SLC35F4: variants seen among roughly 807,000 people sequenced by gnomAD.
SLC35F4 encodes chromosome 14 open reading frame 36.
In SLC35F4, 24 loss-of-function variants were observed where a neutral mutation model predicts 44.2. That is an observed-to-expected ratio of 0.54 (90% confidence interval 0.39 to 0.76). The LOEUF (loss-of-function observed/expected upper bound fraction) is 0.76. Among genes scored for constraint, SLC35F4 ranks in the 30% least tolerant of loss-of-function variants. SLC35F4 has a pLI of 0.00. For missense variants in SLC35F4, 562 were observed against 586.1 expected, an observed-to-expected ratio of 0.96 and a Z score of 0.42; for synonymous variants, 238 against 223.6, an observed-to-expected ratio of 1.06 and a Z score of -0.57.
chr14:57,750,039 C>T (rs2076846504), intron 1 of SLC35F4, among the ~76,000 whole-genome samples: 1 of 152,152 alleles, frequency 6.6e-6, no homozygotes, highest in Non-Finnish European at 1.5e-5. Context: ...TCATCCACCC[C>T]TCTCATCTCC....
intron 1 of SLC35F4, among the ~76,000 whole-genome samples, chr14:57,665,595 T>G (rs2074281494): frequency 6.6e-6 from 1 of 152,148 alleles, no homozygotes. Context: ...CTTCAAAGAT[T>G]GTCTACCCTT....
At chr14:57,705,120 A>G (rs1014829837) in intron 1 of SLC35F4, among the ~76,000 whole-genome samples, 19 of 152,192 alleles carry the variant, frequency 1.2e-4, no homozygotes, top group Admixed American at 7.9e-4. Context: ...ATGAATTAAT[A>G]TATGTTAAAA....
At chr14:57,842,851 G>C (rs1399662112) in intron 1 of SLC35F4, among the ~76,000 whole-genome samples, 4 of 152,186 alleles carry the variant, frequency 2.6e-5, no homozygotes, top group East Asian at 1.9e-4. Flanking sequence ...GGCTGGGAGA[G>C]AGAGACCCAC....
chr14:57,649,944 C>A (rs1226903034), intron 1 of SLC35F4, among the ~76,000 whole-genome samples: 1 of 152,158 alleles, frequency 6.6e-6, no homozygotes, highest in Non-Finnish European at 1.5e-5. Context: ...CGCCTTCCTT[C>A]ATCTCCCTTT....
intron 1 of SLC35F4, among the ~76,000 whole-genome samples, chr14:57,676,309 C>T (rs905383746): frequency 6.6e-6 from 1 of 152,070 alleles, no homozygotes; most frequent in African/African-American, 2.4e-5. Flanking sequence ...AAGCCATTAA[C>T]CTCAGCAAAC....
chr14:57,898,610 C>A (rs1042970510), intron 1 of SLC35F4, among the ~76,000 whole-genome samples: 1 of 152,176 alleles, frequency 6.6e-6, no homozygotes, highest in African/African-American at 2.4e-5. Context: ...AGTGAGGCAA[C>A]AAGCACTTAA....
chr14:57,630,744 G>T (rs1594642611), intron 1 of SLC35F4: 1 of 528,784 alleles, frequency 1.9e-6, no homozygotes, highest in East Asian at 4.1e-5. Context: ...TCATAGTTTG[G>T]TTTACCTAAA....
intron 3 of SLC35F4, among the ~76,000 whole-genome samples, chr14:57,586,373 C>G (rs957751876): frequency 6.6e-6 from 1 of 152,066 alleles, no homozygotes; most frequent in African/African-American, 2.4e-5. Context: ...ACCATAAAAA[C>G]TCGAGAAGAA....
intron 4 of SLC35F4, among the ~76,000 whole-genome samples, chr14:57,578,323 C>CTTT (rs2068952267): frequency 9.0e-5 from 3 of 33,160 alleles, no homozygotes; most frequent in Admixed American, 4.6e-4. Flanking sequence ...ATCCCTTTAA[C>CTTT]TGTTTTTTTT....
chr14:57,738,748 CATATATATATATATAT>C (rs36212594), intron 1 of SLC35F4, among the ~76,000 whole-genome samples: 3,220 of 110,278 alleles, frequency 0.029, 185 homozygotes, highest in East Asian at 0.19. Flanking sequence ...TTTGAATTTT[CATATATATATATATAT>C]ATATATATAT....
Position 57,877,900 on chromosome 14 carries a change from G to A in SLC35F4, n.282+104013C>T, listed in dbSNP as rs995442769. Among the ~76,000 whole-genome samples, 6 of 151,874 alleles carry A rather than the reference G, an allele frequency of 4.0e-5. No homozygotes were observed. In the South Asian group the frequency reaches 1.2e-3, roughly 32 times the overall value. ...GGGTTTCACCATGTTGGCCAGGCTG[G>A]TCTTGAACTCCTGACCTCAGGTGAT... On this transcript the variant is annotated intron_variant and non_coding_transcript_variant, in intron 1 of 1. Coordinates refer to the SLC35F4 transcript ENST00000556568.
At chr14:57,655,394 C>A (rs542296249) in intron 1 of SLC35F4, among the ~76,000 whole-genome samples, 18 of 152,154 alleles carry the variant, frequency 1.2e-4, no homozygotes, top group Non-Finnish European at 2.5e-4. Flanking sequence ...TACAGAGCAA[C>A]AAGACATCAG....
At chr14:57,581,694 C>A (rs2069277049) in intron 3 of SLC35F4, among the ~76,000 whole-genome samples, 1 of 152,264 alleles carries the variant, frequency 6.6e-6, no homozygotes, top group Non-Finnish European at 1.5e-5. Flanking sequence ...AAAAGCCATT[C>A]TGTCGTTTTT....
At chr14:57,694,343 A>C (rs1239078942) in intron 1 of SLC35F4, among the ~76,000 whole-genome samples, 2 of 152,170 alleles carry the variant, frequency 1.3e-5, no homozygotes, top group African/African-American at 4.8e-5. Flanking sequence ...TTTATCAAAA[A>C]TTGTGTGATA....
At chr14:57,631,212 C>A (rs1166717851) in intron 1 of SLC35F4, 1 of 151,812 alleles carries the variant, frequency 6.6e-6, no homozygotes. Flanking sequence ...TTTGTTAACC[C>A]CACTGTCTTA....
chr14:57,632,886 C>CT (rs1242569996), intron 1 of SLC35F4, among the ~76,000 whole-genome samples: 2 of 152,048 alleles, frequency 1.3e-5, no homozygotes, highest in Admixed American at 1.3e-4. Flanking sequence ...GCCTCCCTCC[C>CT]TATCCATCCC....
chr14:57,951,789 G>A (rs1890144193), intron 1 of SLC35F4, among the ~76,000 whole-genome samples: 1 of 152,164 alleles, frequency 6.6e-6, no homozygotes, highest in African/African-American at 2.4e-5. Context: ...CCCCACTCAG[G>A]GGCCTATAGA....
intron 5 of SLC35F4, 131 bp downstream of exon 5, chr14:57,571,763 T>TAAG (rs1566627222): frequency 7.8e-7 from 1 of 1,288,102 alleles, no homozygotes; most frequent in African/African-American, 1.5e-5. Flanking sequence ...TAACAAGTAG[T>TAAG]TAATTTACTT....
intron 1 of SLC35F4, among the ~76,000 whole-genome samples, chr14:57,937,137 G>C (rs7145985): frequency 6.7e-6 from 1 of 149,548 alleles, no homozygotes; most frequent in African/African-American, 2.5e-5. Context: ...GCGCTATCTC[G>C]GCTCACGGCA....
Sources: allele counts gnomAD v4.1 joint callset (sites outside exome capture counted in the v4.1 genomes callset), GRCh38; gene constraint gnomAD v4.1.1; transcripts MANE v1.5; gene names NCBI Gene and HGNC (gene_info 2026-07-23, HGNC 2026-07-21).